The following NCOA2 variants were observed in gnomAD, a reference collection of about 807,000 sequenced individuals.
NCOA2 encodes class E basic helix-loop-helix protein 75.
In NCOA2, 21 loss-of-function variants were observed where a neutral mutation model predicts 145.1. That is an observed-to-expected ratio of 0.14 (90% CI 0.10 to 0.21). The LOEUF is 0.21. Among genes scored for constraint, NCOA2 ranks in the 10% least tolerant of loss-of-function variants. NCOA2 has a pLI of 1.00. For missense variants in NCOA2, 1,472 were observed against 1,837.6 expected, an observed-to-expected ratio of 0.80 and a Z score of 3.64; for synonymous variants, 619 against 637.5, an observed-to-expected ratio of 0.97 and a Z score of 0.44.
chr8:70,164,984 T>G (rs981287160), intron 7 of NCOA2, among the ~76,000 whole-genome samples: 2 of 152,178 alleles, frequency 1.3e-5, no homozygotes, highest in Admixed American at 6.5e-5. Flanking sequence ...AAGCCAGGAT[T>G]AGAATCTGAG....
At chr8:70,329,545 A>C (rs1806893359) in intron 1 of NCOA2, among the ~76,000 whole-genome samples, 1 of 152,084 alleles carries the variant, frequency 6.6e-6, no homozygotes, top group African/African-American at 2.4e-5. Context: ...CTCAGCCAAG[A>C]CTCAGCAATT....
intron 1 of NCOA2, among the ~76,000 whole-genome samples, chr8:70,335,829 G>C (rs538222931): frequency 6.6e-6 from 1 of 152,190 alleles, no homozygotes; most frequent in East Asian, 1.9e-4. Context: ...GAGGCTATAT[G>C]GTATAGCCTA....
At chr8:70,162,957 C>T in intron 8 of NCOA2, 103 bp from the exon 9 acceptor site, 5 of 1,197,008 alleles carry the variant, frequency 4.2e-6, no homozygotes, top group Non-Finnish European at 5.6e-6. Flanking sequence ...CTCTATCGTC[C>T]AGGCTGGAGT....
At chr8:70,374,828 C>T (rs1293730407) in intron 1 of NCOA2, among the ~76,000 whole-genome samples, 1 of 150,430 alleles carries the variant, frequency 6.6e-6, no homozygotes, top group Admixed American at 6.6e-5. Context: ...AAAGTGAAAG[C>T]ATATATGCCG....
At chr8:70,117,465 G>A (rs1193901260) in intron 22 of NCOA2, among the ~76,000 whole-genome samples, 1 of 152,232 alleles carries the variant, frequency 6.6e-6, no homozygotes, top group Middle Eastern at 3.2e-3. Flanking sequence ...GCCTGAGGCT[G>A]AGGATGCTTC....
chr8:70,353,239 C>T (rs768126609), intron 1 of NCOA2, among the ~76,000 whole-genome samples: 4 of 151,268 alleles, frequency 2.6e-5, no homozygotes, highest in Non-Finnish European at 4.4e-5. Context: ...CTAAACCATC[C>T]GTAAACATGT....
At chr8:70,372,642 C>G (rs1811323735) in intron 1 of NCOA2, among the ~76,000 whole-genome samples, 1 of 152,190 alleles carries the variant, frequency 6.6e-6, no homozygotes, top group Non-Finnish European at 1.5e-5. Context: ...ACTTATTTTT[C>G]ATGAAATATA....
In NCOA2 at chr8:70,155,973, G is replaced by C. The variant is rs1812242068; in HGVS notation, c.2392C>G (p.Gln798Glu). 1 of 1,562,734 alleles carries C rather than the reference G, an allele frequency of 6.4e-7. No individual in the cohort carries two copies. Among genetic ancestry groups the C allele is most frequent in the Non-Finnish European group, 8.6e-7 (1 of 1,158,094 alleles). Residue 798 changes from glutamine to glutamate, a missense_variant and splice_region_variant, in exon 11 of 23, where the codon CAG becomes GAG. By Grantham distance (29) the Gln-to-Glu change is conservative (BLOSUM62 2). Around this residue, in one of 4 missense-constraint regions of NCOA2, gnomAD observed 953 missense variants for 1,062.1 expected, o/e 0.90. Transcript: ENST00000452400. ...KEEMSFEPGD[Q>E]PGSELDNLEE... is the part of the protein sequence containing the mutation. Reference sequence around the variant, plus strand: ...CGAGAAGATGTGATAAAACTTACCTGGTCACCAGGCTCAAAGCTCATCTCC... The same window carrying C: ...CGAGAAGATGTGATAAAACTTACCTCGTCACCAGGCTCAAAGCTCATCTCC...
chr8:70,415,318 G>A, the NCOA2 span, among the ~76,000 whole-genome samples: 1 of 152,060 alleles, frequency 6.6e-6, no homozygotes, highest in African/African-American at 2.4e-5. Flanking sequence ...GACAGAGCAA[G>A]ACTCTGTCCC....
At chr8:70,201,669 T>A (rs1817902553) in intron 4 of NCOA2, among the ~76,000 whole-genome samples, 1 of 152,220 alleles carries the variant, frequency 6.6e-6, no homozygotes, top group African/African-American at 2.4e-5. Flanking sequence ...AGGAAAGAAC[T>A]GGAAGTGAGT....
In NCOA2 at chr8:70,126,906, T is replaced by C; in HGVS notation, c.3823A>G (p.Ser1275Gly). The change falls in exon 19 of 23, where the codon AGC (serine) becomes GGC (glycine). Residue 1275 changes from serine to glycine, a missense_variant. Ser to Gly is a moderately conservative substitution (Grantham distance 56). Around this residue, in one of 4 missense-constraint regions of NCOA2, gnomAD observed 232 missense variants for 290.6 expected, o/e 0.80. Transcript: ENST00000452400. ...MRGQGLNMTP[S>G]MVAPSGMPAT... ...GGCATACCACTAGGAGCCACCATGCTTGGTGTCATATTCAACCCTTGTCCT... is the reference window on the plus strand; with the variant it reads ...GGCATACCACTAGGAGCCACCATGCCTGGTGTCATATTCAACCCTTGTCCT... 6.2e-7 allele frequency: 1 copy of C among 1,614,022 alleles called. No homozygotes were observed. The highest frequency in any genetic ancestry group is 8.5e-7 in the Non-Finnish European group (1 of 1,179,898).
intron 4 of NCOA2, among the ~76,000 whole-genome samples, chr8:70,193,960 T>A (rs1657348091): frequency 6.6e-6 from 1 of 152,222 alleles, no homozygotes; most frequent in South Asian, 2.1e-4. Flanking sequence ...TTTATTTTAC[T>A]CTTCTTCCTC....
chr8:70,159,244 T>TATATATATATGTATGTATATATA, intron 10 of NCOA2, among the ~76,000 whole-genome samples: 1 of 69,302 alleles, frequency 1.4e-5, no homozygotes, highest in Admixed American at 1.8e-4. Context: ...ATATATATAT[T>TATATATATATGTATGTATATATA]TTTTTTTTTT....
At chr8:70,297,133 G>A (rs1350711128) in intron 1 of NCOA2, among the ~76,000 whole-genome samples, 1 of 152,152 alleles carries the variant, frequency 6.6e-6, no homozygotes, top group Non-Finnish European at 1.5e-5. Flanking sequence ...AAAAAGCTGA[G>A]TAAAAGCAGG....
chr8:70,407,083 T>C (rs190940849), upstream of NCOA2, among the ~76,000 whole-genome samples: 130 of 152,372 alleles, frequency 8.5e-4, 1 homozygote, highest in East Asian at 0.012. Context: ...TCAGCTAATA[T>C]GTAGCACAGT....
At chr8:70,430,524 A>G in the NCOA2 span, among the ~76,000 whole-genome samples, 5 of 152,170 alleles carry the variant, frequency 3.3e-5, no homozygotes, top group African/African-American at 1.2e-4. Flanking sequence ...GTCATCTCCA[A>G]ATGTTTTCTT....
At chr8:70,114,909 C>T (rs1378439964) in intron 22 of NCOA2, among the ~76,000 whole-genome samples, 3 of 152,030 alleles carry the variant, frequency 2.0e-5, no homozygotes, top group African/African-American at 7.2e-5. Flanking sequence ...TACATTAGCC[C>T]CTGATCAGGT....
At chr8:70,204,614 C>T (rs1211756145) in intron 4 of NCOA2, among the ~76,000 whole-genome samples, 2 of 152,138 alleles carry the variant, frequency 1.3e-5, no homozygotes, top group African/African-American at 4.8e-5. Flanking sequence ...AAAACCATTA[C>T]ACAAGGCTGA....
intron 1 of NCOA2, among the ~76,000 whole-genome samples, chr8:70,307,907 C>T (rs1450464079): frequency 1.3e-5 from 2 of 152,116 alleles, no homozygotes; most frequent in Admixed American, 1.3e-4. Flanking sequence ...AAACTAAAAT[C>T]TTCTGTATTG....
Sources: gnomAD v4.1 joint callset for allele counts (sites outside exome capture counted in the v4.1 genomes callset) on GRCh38, gnomAD v4.1.1 for gene constraint, gnomAD v4.1.1 regional missense constraint, MANE v1.5 for transcripts, NCBI Gene and HGNC (gene_info 2026-07-23, HGNC 2026-07-21) for gene names.